Variants in KTI12 observed in about 807,000 individuals in gnomAD.
The protein encoded by KTI12 is protein KTI12 homolog.
Under a neutral mutation model 8.8 loss-of-function variants are expected in KTI12, and 8 were observed. That is an observed-to-expected ratio of 0.91 (90% CI 0.53 to 1.64). The LOEUF is 1.64. KTI12 is among the 40% of genes most tolerant of loss of function. The pLI, the probability that KTI12 is intolerant of heterozygous loss-of-function variation, is 0.00. For synonymous variants in KTI12, 216 were observed against 220.1 expected (o/e 0.98, Z 0.17); for missense variants, 490 against 492.1 (o/e 1.00, Z 0.04).
At position 52,033,257 on chromosome 1, in the gene KTI12, C is replaced by T. The variant is rs751961152; in HGVS notation, c.505G>A (p.Asp169Asn). Residue 169 changes from aspartate (D) to asparagine (N), a missense_variant, in exon 1 of 1, where the codon GAC becomes AAC. By Grantham distance (23) the Asp-to-Asn change is conservative. Transcript: ENST00000371614. Reference sequence around the variant, plus strand: ...TCTCGCTCCAGTTCCTTGGGTACGTCGGCCTGGGCACTTCCATTTACTACA... The same window carrying T: ...TCTCGCTCCAGTTCCTTGGGTACGTTGGCCTGGGCACTTCCATTTACTACA... ...DSVVNGSAQA[D>N]VPKELEREES... The T allele has an allele frequency of 1.2e-6, 2 of 1,613,924 alleles. No individual in the cohort carries two copies. Among genetic ancestry groups the T allele is most frequent in the Admixed American group, 3.3e-5 (2 of 59,992 alleles).
In KTI12 at chr1:52,032,599, C is replaced by T. The variant is rs1685783624; in HGVS notation, c.*98G>A. 1 of 1,495,156 alleles carries T rather than the reference C, an allele frequency of 6.7e-7. No individual in the cohort carries two copies. Among genetic ancestry groups the T allele is most frequent in the South Asian group, 1.4e-5 (1 of 72,008 alleles). The allele number at this position is 1,495,156 out of a possible 1,614,324, so 92.6% of individuals were successfully genotyped here. A position where few individuals can be genotyped will look rare whatever the true frequency, so the allele number is the denominator to read the frequency against. On this transcript the variant is annotated 3_prime_UTR_variant, in exon 1 of 1. Coordinates refer to ENST00000371614, the MANE Select transcript of KTI12 (RefSeq NM_138417.3). Reference sequence around the variant, plus strand: ...CAGTCACAACAGCTCTAGTACAGTACTGCATCGATATGCTCTGGAGACCTG... The same window carrying T: ...CAGTCACAACAGCTCTAGTACAGTATTGCATCGATATGCTCTGGAGACCTG...
At position 52,033,350 on chromosome 1, in the gene KTI12, C is replaced by T; in HGVS notation, c.412G>A (p.Ala138Thr). The T allele has an allele frequency of 6.2e-7, 1 of 1,613,804 alleles. No homozygotes were observed. Among genetic ancestry groups the T allele is most frequent in the Non-Finnish European group, 8.5e-7 (1 of 1,180,012 alleles). The change falls in exon 1 of 1, where the codon GCT (alanine) becomes ACT (threonine). Residue 138 changes from alanine to threonine, a missense_variant. Coordinates refer to ENST00000371614, the MANE Select transcript of KTI12 (RefSeq NM_138417.3). ...RNVSVSWRPR[A>T]EEDGRAQAAG... ...GCCTGGGCTCTCCCGTCCTCCTCAGCGCGTGGCCGCCAACTCACACTGACG... is the reference window on the plus strand; with the variant it reads ...GCCTGGGCTCTCCCGTCCTCCTCAGTGCGTGGCCGCCAACTCACACTGACG...
In KTI12 at chr1:52,033,360, C is replaced by T. The variant is rs1481566627; in HGVS notation, c.402G>A (p.Trp134Ter). Residue 134 changes from tryptophan to a stop codon, truncating the protein, a stop_gained, in exon 1 of 1, where the codon TGG becomes TGA. Coordinates refer to ENST00000371614, the MANE Select transcript of KTI12 (RefSeq NM_138417.3). LOFTEE classifies it low-confidence loss of function (END_TRUNC). ...ENPGRNVSVSWRPRAEEDGRA... is the reference protein window; with the variant it reads ...ENPGRNVSVS ...TCCCGTCCTCCTCAGCGCGTGGCCGCCAACTCACACTGACGTTCCGGCCAG... is the reference window on the plus strand; with the variant it reads ...TCCCGTCCTCCTCAGCGCGTGGCCGTCAACTCACACTGACGTTCCGGCCAG... 1.9e-6 allele frequency: 3 copies of T among 1,613,742 alleles called. No individual in the cohort carries two copies. The Admixed American group carries it at 5.0e-5, about 27-fold the overall frequency.
rs750795944 is a variant in KTI12 at position 52,033,339 on chromosome 1, G to C, written c.423C>G (p.Asp141Glu). Reference sequence around the variant, plus strand: ...TGCTGCCCGCCGCCTGGGCTCTCCCGTCCTCCTCAGCGCGTGGCCGCCAAC... The same window carrying C: ...TGCTGCCCGCCGCCTGGGCTCTCCCCTCCTCCTCAGCGCGTGGCCGCCAAC... ...SVSWRPRAEE[D>E]GRAQAAGSSV... is the part of the protein sequence containing the mutation. Residue 141 changes from aspartate to glutamate, a missense_variant, in exon 1 of 1, where the codon GAC (aspartate) becomes GAG (glutamate). Transcript: ENST00000371614. 1.2e-5 allele frequency: 19 copies of C among 1,613,732 alleles called. 1 individual carries two copies. In the Admixed American group the frequency reaches 3.0e-4, roughly 25 times the overall value.
chr1:52,033,005 C>T lies in KTI12; in HGVS notation c.757G>A (p.Ala253Thr), dbSNP rs756161230. 3 of 1,560,416 alleles carry T rather than the reference C, an allele frequency of 1.9e-6. No individual in the cohort carries two copies. The highest frequency in any genetic ancestry group is 1.2e-5 in the South Asian group (1 of 81,298). Residue 253 changes from alanine (A) to threonine (T), a missense_variant, in exon 1 of 1, where the codon GCC becomes ACC. Ala to Thr is a moderately conservative substitution (Grantham distance 58). Coordinates refer to ENST00000371614, the MANE Select transcript of KTI12 (RefSeq NM_138417.3). ...GIRSALFENR[A>T]PPPHQSTQSQ... is the part of the protein sequence containing the mutation. ...TGCGTAGACTGATGGGGTGGTGGGGCCCGGTTCTCAAACAGGGCAGAGCGG... is the reference window on the plus strand; with the variant it reads ...TGCGTAGACTGATGGGGTGGTGGGGTCCGGTTCTCAAACAGGGCAGAGCGG...
In KTI12 at chr1:52,032,559, A is replaced by C; in HGVS notation, c.*138T>G. 1 of 1,409,044 alleles carries C rather than the reference A, an allele frequency of 7.1e-7. No individual in the cohort carries two copies. The highest frequency in any genetic ancestry group is 9.2e-7 in the Non-Finnish European group (1 of 1,085,458). 87.3% of individuals were successfully genotyped at this position (1,409,044 alleles called of 1,614,324 possible). ...AAGGCCTGGCACAGGGGTATGCAGG[A>C]AAGTTTGAGTGAATCAGTCACAACA... On this transcript the variant is annotated 3_prime_UTR_variant, in exon 1 of 1. Coordinates refer to ENST00000371614, the MANE Select transcript of KTI12 (RefSeq NM_138417.3).
At position 52,033,166 on chromosome 1, in the gene KTI12, C is replaced by A; in HGVS notation, c.596G>T (p.Gly199Val). Residue 199 changes from glycine to valine, a missense_variant, in exon 1 of 1, where the codon GGG becomes GTG. By Grantham distance (109) the Gly-to-Val change is moderately radical. Transcript: ENST00000371614. ...TPDSEKSAKH[G>V]SGAFYSPELL... ...TTCGGGAGAGTAAAAGGCACCGGAC[C>A]CATGCTTTGCAGATTTCTCTGAATC... 6.2e-7 allele frequency: 1 copy of A among 1,614,224 alleles called. No homozygotes were observed. The highest frequency in any genetic ancestry group is 8.5e-7 in the Non-Finnish European group (1 of 1,180,038).
Position 52,033,788 on chromosome 1 carries a change from C to G in KTI12, c.-27G>C, listed in dbSNP as rs532957644. 3.2e-6 allele frequency: 5 copies of G among 1,540,326 alleles called. No homozygotes were observed. In the Admixed American group the frequency reaches 5.9e-5, roughly 18 times the overall value. On this transcript the variant is annotated 5_prime_UTR_variant, in exon 1 of 1. Coordinates refer to ENST00000371614, the MANE Select transcript of KTI12 (RefSeq NM_138417.3). ...CTCTCAGGGAGCGACCATTGGCAAC[C>G]GCGCTGCGCCAACTTCCGGGTTGTA...
At position 52,032,881 on chromosome 1, in the gene KTI12, G is replaced by T; in HGVS notation, c.881C>A (p.Pro294His). 6.2e-7 allele frequency: 1 copy of T among 1,613,960 alleles called. No individual in the cohort carries two copies. Among genetic ancestry groups the T allele is most frequent in the Non-Finnish European group, 8.5e-7 (1 of 1,179,948 alleles). Residue 294 changes from proline to histidine, a missense_variant, in exon 1 of 1, where the codon CCC (proline) becomes CAC (histidine). Transcript: ENST00000371614. ...GLMEAQKSAV[P>H]GDLLTLPGTT... ...ACCAGGAAGCGTGAGCAAGTCCCCG[G>T]GGACAGCGCTCTTCTGCGCTTCCAT...
In KTI12 at chr1:52,032,138, T is replaced by A. The variant is rs1685772826; in HGVS notation, c.*559A>T. 1 of 963,602 alleles carries A rather than the reference T, an allele frequency of 1.0e-6. No individual in the cohort carries two copies. The highest frequency in any genetic ancestry group is 4.8e-5 in the South Asian group (1 of 20,854). The allele number at this position is 963,602 out of a possible 1,614,324, so 59.7% of individuals were successfully genotyped here. The stretch of plus-strand genomic sequence containing the variant: ...TAAAAGATTTTATTAGAGGAAATAA[T>A]CTAGTAGATAACTTTCTTACTTCCA... On this transcript the variant is annotated 3_prime_UTR_variant, in exon 1 of 1. Transcript: ENST00000371614.
Position 52,032,469 on chromosome 1 carries a change from G to T in KTI12, c.*228C>A. The stretch of plus-strand genomic sequence containing the variant: ...GTCCACCTTAGCTCTGTCCTCTGAG[G>T]GATTTGCCAGGTTGCACCACAATAG... On this transcript the variant is annotated 3_prime_UTR_variant, in exon 1 of 1. Coordinates refer to ENST00000371614, the MANE Select transcript of KTI12 (RefSeq NM_138417.3). The T allele has an allele frequency of 7.6e-7, 1 of 1,311,136 alleles. No homozygotes were observed. The allele number at this position is 1,311,136 out of a possible 1,614,324, so 81.2% of individuals were successfully genotyped here. A position where few individuals can be genotyped will look rare whatever the true frequency, so the allele number is the denominator to read the frequency against.
At position 52,033,424 on chromosome 1, in the gene KTI12, G is replaced by C. The variant is rs1431525312; in HGVS notation, c.338C>G (p.Pro113Arg). Residue 113 changes from proline (P) to arginine (R), a missense_variant, in exon 1 of 1, where the codon CCG becomes CGG. Physicochemically the swap from Pro to Arg is moderately radical, Grantham distance 103 (BLOSUM62 -2). Coordinates refer to ENST00000371614, the MANE Select transcript of KTI12 (RefSeq NM_138417.3). ...CLVYCVRPGG[P>R]IAGPQVAGAN... ...GCCCGCCACCTGAGGTCCCGCGATC[G>C]GGCCGCCGGGCCGTACGCAGTAGAC... 3.4e-6 allele frequency: 5 copies of C among 1,451,340 alleles called. No homozygotes were observed. The highest frequency in any genetic ancestry group is 4.7e-6 in the Non-Finnish European group (5 of 1,058,446). 89.9% of individuals were successfully genotyped at this position (1,451,340 alleles called of 1,614,324 possible). A position where few individuals can be genotyped will look rare whatever the true frequency, so the allele number is the denominator to read the frequency against.
In KTI12 at chr1:52,033,662, C is replaced by A. The variant is rs1348368145; in HGVS notation, c.100G>T (p.Val34Leu). The A allele has an allele frequency of 6.2e-7, 1 of 1,611,276 alleles. No homozygotes were observed. The highest frequency in any genetic ancestry group is 8.5e-7 in the Non-Finnish European group (1 of 1,179,820). Residue 34 changes from valine (V) to leucine (L), a missense_variant, in exon 1 of 1, where the codon GTG becomes TTG. Transcript: ENST00000371614. Reference sequence around the variant, plus strand: ...CCCAGGACAGCTGCGTCGTCCACCACGTACACCGCGCGGCCCTCGGCAGCC... The same window carrying A: ...CCCAGGACAGCTGCGTCGTCCACCAAGTACACCGCGCGGCCCTCGGCAGCC... The part of the protein sequence containing the change: ...ALAAEGRAVY[V>L]VDDAAVLGAE...
rs3215957 is a variant in KTI12 at position 52,032,465 on chromosome 1, T to TG, written c.*231dup. On this transcript the variant is annotated 3_prime_UTR_variant, in exon 1 of 1. Coordinates refer to ENST00000371614, the MANE Select transcript of KTI12 (RefSeq NM_138417.3). ...CCCTGTCCACCTTAGCTCTGTCCTC[T>TG]GAGGGATTTGCCAGGTTGCACCACA... 61,361 of 1,307,024 alleles carry TG rather than the reference T, an allele frequency of 0.047. 1,659 individuals carry two copies. Among genetic ancestry groups the TG allele is most frequent in the East Asian group, 0.11 (3,646 of 33,940 alleles). 81.0% of individuals were successfully genotyped at this position (1,307,024 alleles called of 1,614,324 possible).
Position 52,032,423 on chromosome 1 carries a change from G to C in KTI12, c.*274C>G. On this transcript the variant is annotated 3_prime_UTR_variant, in exon 1 of 1. Transcript: ENST00000371614. ...CAATGCTCTGTGATAGCCCAAGTAG[G>C]ATCCAATCTAGGTAATCCCTGTCCA... The C allele has an allele frequency of 8.3e-7, 1 of 1,198,914 alleles. No homozygotes were observed. Among genetic ancestry groups the C allele is most frequent in the Non-Finnish European group, 1.0e-6 (1 of 964,400 alleles). The allele number at this position is 1,198,914 out of a possible 1,614,324, so 74.3% of individuals were successfully genotyped here.
In KTI12 at chr1:52,033,346, T is replaced by G. The variant is rs756744848; in HGVS notation, c.416A>C (p.Glu139Ala). The G allele has an allele frequency of 6.2e-7, 1 of 1,613,760 alleles. No individual in the cohort carries two copies. The highest frequency in any genetic ancestry group is 8.5e-7 in the Non-Finnish European group (1 of 1,179,984). ...NVSVSWRPRAEEDGRAQAAGS... is the reference protein window; with the variant it reads ...NVSVSWRPRAAEDGRAQAAGS... ...CGCCGCCTGGGCTCTCCCGTCCTCC[T>G]CAGCGCGTGGCCGCCAACTCACACT... The change falls in exon 1 of 1, where the codon GAG (glutamate) becomes GCG (alanine). Residue 139 changes from glutamate to alanine, a missense_variant. By Grantham distance (107) the Glu-to-Ala change is moderately radical. Transcript: ENST00000371614.
chr1:52,032,306 T>C lies in KTI12; in HGVS notation c.*391A>G, dbSNP rs1351922947. 1 of 1,006,436 alleles carries C rather than the reference T, an allele frequency of 9.9e-7. No homozygotes were observed. The highest frequency in any genetic ancestry group is 1.2e-6 in the Non-Finnish European group (1 of 843,098). 62.3% of individuals were successfully genotyped at this position (1,006,436 alleles called of 1,614,324 possible). A position where few individuals can be genotyped will look rare whatever the true frequency, so the allele number is the denominator to read the frequency against. Reference sequence around the variant, plus strand: ...AAGGGCAGGTGCAGATGTAGAACTGTACCATCTTCAGTTTCTGTTCACAAT... The same window carrying C: ...AAGGGCAGGTGCAGATGTAGAACTGCACCATCTTCAGTTTCTGTTCACAAT... On this transcript the variant is annotated 3_prime_UTR_variant, in exon 1 of 1. Coordinates refer to ENST00000371614, the MANE Select transcript of KTI12 (RefSeq NM_138417.3).
chr1:52,033,091 C>T lies in KTI12; in HGVS notation c.671G>A (p.Arg224His). ...LRFEAPDSRN[R>H]WDRPLFTLVG... ...CAAAGTGAATAAAGGCCGGTCCCAG[C>T]GATTCCGAGAATCGGGAGCCTCAAA... Residue 224 changes from arginine to histidine, a missense_variant, in exon 1 of 1, where the codon CGC (arginine) becomes CAC (histidine). Transcript: ENST00000371614. 4 of 1,610,120 alleles carry T rather than the reference C, an allele frequency of 2.5e-6. No individual in the cohort carries two copies. Among genetic ancestry groups the T allele is most frequent in the Non-Finnish European group, 3.4e-6 (4 of 1,178,626 alleles).
Position 52,033,293 on chromosome 1 carries a change from T to C in KTI12, c.469A>G (p.Thr157Ala). 1 of 1,613,934 alleles carries C rather than the reference T, an allele frequency of 6.2e-7. No homozygotes were observed. Among genetic ancestry groups the C allele is most frequent in the Non-Finnish European group, 8.5e-7 (1 of 1,179,964 alleles). ...AGSSVLRELHTADSVVNGSAQ... is the reference protein window; with the variant it reads ...AGSSVLRELHAADSVVNGSAQ... Reference sequence around the variant, plus strand: ...CTTCCATTTACTACAGAGTCCGCAGTATGCAGTTCCCTGAGGACGCTGCTG... The same window carrying C: ...CTTCCATTTACTACAGAGTCCGCAGCATGCAGTTCCCTGAGGACGCTGCTG... Residue 157 changes from threonine to alanine, a missense_variant, in exon 1 of 1, where the codon ACT becomes GCT. By Grantham distance (58) the Thr-to-Ala change is moderately conservative. Coordinates refer to ENST00000371614, the MANE Select transcript of KTI12 (RefSeq NM_138417.3).
Sources: allele counts gnomAD v4.1 joint callset, GRCh38; gene constraint gnomAD v4.1.1; transcripts MANE v1.5; gene names NCBI Gene and HGNC (gene_info 2026-07-23, HGNC 2026-07-21).